Variants in CREB5 observed in about 807,000 individuals in gnomAD.
CREB5 encodes the protein cAMP responsive element binding protein 5.
CREB5 carries 19 observed loss-of-function variants against 57.1 expected under a neutral mutation model. That is an observed-to-expected ratio of 0.33 (90% CI 0.23 to 0.49). The LOEUF is 0.49. CREB5 is among the 20% of genes least tolerant of loss of function. CREB5 has a pLI of 0.99. For missense variants in CREB5, 579 were observed against 671.6 expected, an observed-to-expected ratio of 0.86 and a Z score of 1.52; for synonymous variants, 238 against 238.3, an observed-to-expected ratio of 1.00 and a Z score of 0.01.
intron 4 of CREB5, among the ~76,000 whole-genome samples, chr7:28,545,745 T>C (rs1310380572): frequency 6.6e-6 from 1 of 152,186 alleles, no homozygotes; most frequent in African/African-American, 2.4e-5. Flanking sequence ...TTTCCACTCT[T>C]GCTCTATTTT....
chr7:28,451,450 CTGTGTGTGTGTG>C (rs6150047), intron 1 of CREB5, among the ~76,000 whole-genome samples: 36,367 of 146,818 alleles, frequency 0.25, 4,559 homozygotes, highest in Middle Eastern at 0.41. Flanking sequence ...CTTTGCCAAA[CTGTGTGTGTGTG>C]TGTGTGTGTG....
intron 5 of CREB5, among the ~76,000 whole-genome samples, chr7:28,635,516 C>T (rs899155651): frequency 2.0e-5 from 3 of 152,140 alleles, no homozygotes; most frequent in African/African-American, 7.2e-5. Flanking sequence ...TCAGTCTTTT[C>T]GATCATCATG....
At chr7:28,706,957 A>G (rs1310127193) in intron 5 of CREB5, among the ~76,000 whole-genome samples, 1 of 152,152 alleles carries the variant, frequency 6.6e-6, no homozygotes. Context: ...TAAGTCTGTT[A>G]AGAAACCTCT....
At chr7:28,578,773 A>T (rs1178727578) in intron 5 of CREB5, among the ~76,000 whole-genome samples, 1 of 152,244 alleles carries the variant, frequency 6.6e-6, no homozygotes, top group Non-Finnish European at 1.5e-5. Flanking sequence ...AGCTCATTCA[A>T]CAGCTTCTTT....
intron 4 of CREB5, among the ~76,000 whole-genome samples, chr7:28,559,266 G>C (rs565010589): frequency 6.6e-6 from 1 of 152,156 alleles, no homozygotes; most frequent in African/African-American, 2.4e-5. Flanking sequence ...TGGCCTCTGC[G>C]TGTTGATATG....
chr7:28,426,042 T>G (rs1788498743), intron 1 of CREB5, among the ~76,000 whole-genome samples: 1 of 152,204 alleles, frequency 6.6e-6, no homozygotes, highest in Admixed American at 6.5e-5. Context: ...AACATATCAT[T>G]GCCACATCTT....
chr7:28,342,324 C>T (rs963483213), intron 1 of CREB5, among the ~76,000 whole-genome samples: 18 of 152,170 alleles, frequency 1.2e-4, no homozygotes, highest in Non-Finnish European at 1.5e-5. Context: ...CAAAGTGGTA[C>T]AGAAGCCCCC....
At chr7:28,724,116 T>A in intron 6 of CREB5, 106 bp from the exon 7 acceptor site, 1 of 946,130 alleles carries the variant, frequency 1.1e-6, no homozygotes, top group East Asian at 2.6e-5. Flanking sequence ...TCTCAGGATT[T>A]CTTCAAAGAA....
In CREB5 at chr7:28,690,657, A is replaced by T. The variant is rs541660476; in HGVS notation, c.465-28096A>T. Reference sequence around the variant, plus strand: ...GGAGCCATTGCGAGGGGTGGAGATAAGGTTTTAAGGCCCCTGGCACATAGT... The same window carrying T: ...GGAGCCATTGCGAGGGGTGGAGATATGGTTTTAAGGCCCCTGGCACATAGT... On this transcript the variant is annotated intron_variant, in intron 5 of 10. Coordinates refer to ENST00000357727, the MANE Select transcript of CREB5 (RefSeq NM_182898.4). Among the ~76,000 whole-genome samples, 10 of 152,214 alleles carry T rather than the reference A, an allele frequency of 6.6e-5. No individual in the cohort carries two copies. In the South Asian group the frequency reaches 1.7e-3, roughly 25 times the overall value.
chr7:28,789,685 T>A (rs1377224658), intron 7 of CREB5, among the ~76,000 whole-genome samples: 1 of 152,142 alleles, frequency 6.6e-6, no homozygotes, highest in Non-Finnish European at 1.5e-5. Flanking sequence ...AAACCAAGGC[T>A]CAAAATTAGG....
At chr7:28,579,446 A>G (rs1222733192) in intron 5 of CREB5, among the ~76,000 whole-genome samples, 2 of 152,208 alleles carry the variant, frequency 1.3e-5, no homozygotes, top group Non-Finnish European at 2.9e-5. Context: ...GGAGTTTTAT[A>G]GTTTTCCCCC....
chr7:28,418,793 C>T (rs761254402), intron 1 of CREB5, among the ~76,000 whole-genome samples: 14 of 152,070 alleles, frequency 9.2e-5, no homozygotes, highest in South Asian at 2.1e-4. Flanking sequence ...GATGGGTGGT[C>T]GGTATGAGAA....
chr7:28,365,181 G>A (rs145376368), intron 1 of CREB5, among the ~76,000 whole-genome samples: 162 of 152,036 alleles, frequency 1.1e-3, no homozygotes, highest in African/African-American at 3.8e-3. Flanking sequence ...CTTCCATCTC[G>A]TTTACTCTAT....
intron 1 of CREB5, among the ~76,000 whole-genome samples, chr7:28,424,810 A>G (rs1417117501): frequency 6.6e-6 from 1 of 152,222 alleles, no homozygotes; most frequent in East Asian, 1.9e-4. Context: ...GCTAAGTATA[A>G]ATGTTTCAGT....
chr7:28,734,364 T>C (rs949566997), intron 7 of CREB5, among the ~76,000 whole-genome samples: 2 of 152,152 alleles, frequency 1.3e-5, no homozygotes, highest in African/African-American at 4.8e-5. Flanking sequence ...TTGCCTTTTT[T>C]CTCTGTTCAT....
intron 7 of CREB5, among the ~76,000 whole-genome samples, chr7:28,766,272 A>G (rs714500): frequency 0.68 from 103,921 of 151,808 alleles, 36,007 homozygotes; most frequent in East Asian, 0.84. Context: ...CCTTCTGAAG[A>G]AAGGGAAGAA....
chr7:28,819,888 C>T lies in CREB5; in HGVS notation c.*609C>T, dbSNP rs978910220. 1 of 151,500 alleles carries T rather than the reference C, an allele frequency of 6.6e-6. No individual in the cohort carries two copies. Among genetic ancestry groups the T allele is most frequent in the Non-Finnish European group, 1.5e-5 (1 of 67,966 alleles). The allele number at this position is 151,500 out of a possible 1,614,324, so 9.4% of individuals were successfully genotyped here. ...CCACTTGCTAATGCCCAGTTTTCTT[C>T]TCCATTTCCACTTTTTCTTAGGCTC... is the stretch of plus-strand genomic sequence containing the variant. On this transcript the variant is annotated 3_prime_UTR_variant, in exon 11 of 11. Transcript: ENST00000357727.
chr7:28,790,428 AAGAG>A (rs370615013), intron 7 of CREB5, among the ~76,000 whole-genome samples: 2,255 of 115,760 alleles, frequency 0.019, 33 homozygotes, highest in East Asian at 0.037. Context: ...GAAAGAAAGA[AAGAG>A]AGAGAGAGAG....
chr7:28,525,448 T>C (rs1335936553), intron 4 of CREB5, among the ~76,000 whole-genome samples: 6 of 152,184 alleles, frequency 3.9e-5, no homozygotes, highest in Non-Finnish European at 5.9e-5. Flanking sequence ...CCACCAACAG[T>C]GTGTAAGAAT....
Sources: gnomAD v4.1 joint callset for allele counts (sites outside exome capture counted in the v4.1 genomes callset) on GRCh38, gnomAD v4.1.1 for gene constraint, MANE v1.5 for transcripts, NCBI Gene and HGNC (gene_info 2026-07-23, HGNC 2026-07-21) for gene names.